DOCK9: variants seen among roughly 807,000 people sequenced by gnomAD.
DOCK9 encodes dedicator of cytokinesis 9.
Under a neutral mutation model 263.3 loss-of-function variants are expected in DOCK9, and 89 were observed. The observed-to-expected ratio is 0.34, with a 90% CI of 0.28 to 0.40. DOCK9 has a LOEUF of 0.40. Ranked by LOEUF, DOCK9 falls within the 10% of genes least tolerant of loss-of-function variation. DOCK9 has a pLI of 1.00. For missense variants in DOCK9, 2,140 were observed against 2,603.4 expected (o/e 0.82, Z 3.87); for synonymous variants, 976 against 973.1 (o/e 1.00, Z -0.06).
chr13:98,925,513 C>T (rs1376455837), intron 4 of DOCK9, among the ~76,000 whole-genome samples: 1 of 152,094 alleles, frequency 6.6e-6, no homozygotes, highest in East Asian at 1.9e-4. Flanking sequence ...AAATGCACTG[C>T]AGCATATTTC....
At chr13:98,999,409 G>T (rs1881835628) in intron 1 of DOCK9, among the ~76,000 whole-genome samples, 1 of 151,452 alleles carries the variant, frequency 6.6e-6, no homozygotes, top group Non-Finnish European at 1.5e-5. Flanking sequence ...TTTTAAATTG[G>T]CTTTTAAAAT....
chr13:99,011,253 T>C (rs1047273661), intron 1 of DOCK9, among the ~76,000 whole-genome samples: 1 of 152,164 alleles, frequency 6.6e-6, no homozygotes, highest in Non-Finnish European at 1.5e-5. Context: ...TATTTACATA[T>C]ATACATAATA....
At chr13:99,005,450 AC>A (rs1213513993) in intron 1 of DOCK9, among the ~76,000 whole-genome samples, 2 of 152,208 alleles carry the variant, frequency 1.3e-5, no homozygotes, top group African/African-American at 4.8e-5. Flanking sequence ...GGCACAGAGA[AC>A]ACTAAAGAAA....
At chr13:98,962,817 C>T (rs908360531) in intron 1 of DOCK9, among the ~76,000 whole-genome samples, 1 of 152,154 alleles carries the variant, frequency 6.6e-6, no homozygotes, top group East Asian at 1.9e-4. Flanking sequence ...CTGCTTATAC[C>T]GTAGATGGGA....
chr13:98,868,750 T>C (rs1220372145), intron 27 of DOCK9, among the ~76,000 whole-genome samples: 2 of 152,114 alleles, frequency 1.3e-5, no homozygotes, highest in Non-Finnish European at 2.9e-5. Flanking sequence ...CAAGGCCCAG[T>C]CTCAAAAAAC....
intron 1 of DOCK9, among the ~76,000 whole-genome samples, chr13:99,042,613 A>G (rs903895701): frequency 6.6e-6 from 1 of 152,228 alleles, no homozygotes; most frequent in African/African-American, 2.4e-5. Flanking sequence ...TCCTGTCAAA[A>G]GAGGAAGGAA....
intron 13 of DOCK9, among the ~76,000 whole-genome samples, chr13:98,899,731 A>G (rs564540368): frequency 6.6e-5 from 10 of 152,366 alleles, no homozygotes; most frequent in Admixed American, 2.6e-4. Flanking sequence ...ATTTCATAAA[A>G]TTTAAAGCTA....
At chr13:98,979,230 A>G (rs77216098), upstream of DOCK9, among the ~76,000 whole-genome samples, 10,072 of 115,944 alleles carry the variant, frequency 0.087, 397 homozygotes, top group African/African-American at 0.14. Flanking sequence ...TAGTAGTAGT[A>G]GCAGCAGCGG....
intron 1 of DOCK9, among the ~76,000 whole-genome samples, chr13:99,028,797 A>G (rs1412936369): frequency 6.6e-6 from 1 of 152,150 alleles, no homozygotes; most frequent in African/African-American, 2.4e-5. Flanking sequence ...GAACATCTTC[A>G]TTTGTGTGAG....
chr13:98,943,531 G>T (rs568717840), intron 2 of DOCK9, among the ~76,000 whole-genome samples: 1 of 150,784 alleles, frequency 6.6e-6, no homozygotes, highest in Non-Finnish European at 1.5e-5. Flanking sequence ...TCGTTTGTGT[G>T]TGTTCGTTTT....
intron 1 of DOCK9, among the ~76,000 whole-genome samples, chr13:98,992,516 C>T (rs963951789): frequency 3.3e-5 from 5 of 152,250 alleles, no homozygotes; most frequent in Admixed American, 1.3e-4. Flanking sequence ...ATAATCCTCA[C>T]GTGTCATGGG....
intron 2 of DOCK9, among the ~76,000 whole-genome samples, chr13:98,941,717 C>T (rs2055881191): frequency 6.6e-6 from 1 of 152,090 alleles, no homozygotes; most frequent in African/African-American, 2.4e-5. Flanking sequence ...TCTGCCTTCC[C>T]ATTTAGTAAG....
chr13:98,805,340 T>A (rs2090575780), intron 48 of DOCK9, 131 bp from the exon 49 acceptor site: 4 of 792,184 alleles, frequency 5.0e-6, no homozygotes, highest in Non-Finnish European at 8.1e-6. Flanking sequence ...CATCCACATA[T>A]CCACCACTTG....
chr13:98,824,607 C>T (rs143446723), intron 44 of DOCK9, 103 bp from the exon 45 acceptor site: 79 of 1,084,776 alleles, frequency 7.3e-5, no homozygotes, highest in African/African-American at 1.1e-4. Context: ...AATGAAATAA[C>T]GGATTTTGAA....
At chr13:99,011,615 TG>T (rs1222411845) in intron 1 of DOCK9, among the ~76,000 whole-genome samples, 2 of 152,230 alleles carry the variant, frequency 1.3e-5, no homozygotes, top group Non-Finnish European at 2.9e-5. Flanking sequence ...TTAACACTTA[TG>T]TGCAAGACAA....
chr13:99,032,608 T>G (rs1428919103), intron 1 of DOCK9, among the ~76,000 whole-genome samples: 1 of 152,072 alleles, frequency 6.6e-6, no homozygotes, highest in Admixed American at 6.6e-5. Flanking sequence ...ACTATAAATT[T>G]ATTAATTTAT....
intron 9 of DOCK9, among the ~76,000 whole-genome samples, chr13:98,910,427 C>T (rs1360043181): frequency 1.3e-5 from 2 of 152,170 alleles, no homozygotes; most frequent in Admixed American, 6.5e-5. Flanking sequence ...GAAAACAATA[C>T]AGATGTTCAG....
chr13:98,971,697 G>A (rs1410141724), intron 1 of DOCK9, among the ~76,000 whole-genome samples: 1 of 152,100 alleles, frequency 6.6e-6, no homozygotes, highest in African/African-American at 2.4e-5. Flanking sequence ...GACAGAGCGA[G>A]ACTCCATCTC....
At chr13:99,035,736 C>T (rs968748960) in intron 1 of DOCK9, among the ~76,000 whole-genome samples, 1 of 152,164 alleles carries the variant, frequency 6.6e-6, no homozygotes, top group African/African-American at 2.4e-5. Context: ...TATATCCTAA[C>T]TGTGATGCTT....
Sources: gnomAD v4.1 joint callset for allele counts (sites outside exome capture counted in the v4.1 genomes callset) on GRCh38, gnomAD v4.1.1 for gene constraint, MANE v1.5 for transcripts, NCBI Gene and HGNC (gene_info 2026-07-23, HGNC 2026-07-21) for gene names.